FRMD6: variants seen among roughly 807,000 people sequenced by gnomAD.
FRMD6 encodes FERM domain-containing protein 6.
A neutral mutation model predicts 73.2 loss-of-function variants in FRMD6; 37 were observed. The observed-to-expected ratio is 0.51, with a 90% CI of 0.39 to 0.66. FRMD6 has a LOEUF of 0.66. FRMD6 is among the 30% of genes least tolerant of loss of function. FRMD6 has a pLI of 0.00. For missense variants in FRMD6, 714 were observed against 780.5 expected (o/e 0.91, Z 1.02); for synonymous variants, 273 against 282.2 (o/e 0.97, Z 0.33).
chr14:51,480,913 T>A, the FRMD6 span, among the ~76,000 whole-genome samples: 1 of 152,198 alleles, frequency 6.6e-6, no homozygotes, highest in Non-Finnish European at 1.5e-5. Context: ...TCACTTTACC[T>A]CAGTGAATGT....
intron 2 of FRMD6, among the ~76,000 whole-genome samples, chr14:51,601,926 A>G (rs893197544): frequency 6.6e-6 from 1 of 152,118 alleles, no homozygotes; most frequent in Admixed American, 6.5e-5. Context: ...TGCCTCCCTG[A>G]TTAGATTGTA....
At chr14:51,439,428 A>C in the FRMD6 span, among the ~76,000 whole-genome samples, 1 of 152,084 alleles carries the variant, frequency 6.6e-6, no homozygotes, top group Non-Finnish European at 1.5e-5. Context: ...AACTCTATGC[A>C]TGCAAGGCTC....
At chr14:51,452,107 A>T in the FRMD6 span, among the ~76,000 whole-genome samples, 5 of 152,378 alleles carry the variant, frequency 3.3e-5, no homozygotes, top group South Asian at 1.0e-3. Context: ...AACTGACAGT[A>T]GAGAGAATAC....
chr14:51,558,100 A>G (rs1447291480), intron 1 of FRMD6, among the ~76,000 whole-genome samples: 1 of 152,228 alleles, frequency 6.6e-6, no homozygotes, highest in Non-Finnish European at 1.5e-5. Flanking sequence ...TTCTCAATAA[A>G]TTATTGAATT....
chr14:51,658,555 C>T (rs1892998567), intron 1 of FRMD6, among the ~76,000 whole-genome samples: 1 of 152,144 alleles, frequency 6.6e-6, no homozygotes, highest in Admixed American at 6.5e-5. Context: ...TATGCTTCTC[C>T]CTCTTTTCTC....
At chr14:51,707,737 A>C (rs1896704782) in intron 6 of FRMD6, among the ~76,000 whole-genome samples, 1 of 152,168 alleles carries the variant, frequency 6.6e-6, no homozygotes, top group African/African-American at 2.4e-5. Flanking sequence ...TACCAAGTAT[A>C]AACTTGCAAG....
At chr14:51,709,411 A>G (rs532408535) in intron 7 of FRMD6, among the ~76,000 whole-genome samples, 1 of 152,292 alleles carries the variant, frequency 6.6e-6, no homozygotes, top group South Asian at 2.1e-4. Flanking sequence ...TACCATTACC[A>G]TTGATAGTAT....
chr14:51,596,880 G>A (rs556774049), intron 2 of FRMD6, among the ~76,000 whole-genome samples: 7 of 152,174 alleles, frequency 4.6e-5, no homozygotes, highest in Non-Finnish European at 4.4e-5. Context: ...ACAGCACCCC[G>A]CATGTATACG....
Position 51,729,157 on chromosome 14 carries a change from G to C in FRMD6, c.*1128G>C, listed in dbSNP as rs1898135411. The C allele has an allele frequency of 6.6e-6, 1 of 152,066 alleles. No homozygotes were observed. Among genetic ancestry groups the C allele is most frequent in the African/African-American group, 2.4e-5 (1 of 41,396 alleles). The allele number at this position is 152,066 out of a possible 1,614,324, so 9.4% of individuals were successfully genotyped here. On this transcript the variant is annotated 3_prime_UTR_variant, in exon 14 of 14. Coordinates refer to ENST00000344768, the MANE Select transcript of FRMD6 (RefSeq NM_001267046.2). ...CACTGATTGTATAACAGAATTTTGG[G>C]GGGAGCTTTTAAAAAATAATGACTG...
At chr14:51,459,548 A>G in the FRMD6 span, among the ~76,000 whole-genome samples, 1 of 152,244 alleles carries the variant, frequency 6.6e-6, no homozygotes, top group African/African-American at 2.4e-5. Context: ...ATACCTTAAA[A>G]AAGCTGACGC....
chr14:51,603,015 T>C (rs563671281), intron 2 of FRMD6, among the ~76,000 whole-genome samples: 2 of 152,160 alleles, frequency 1.3e-5, no homozygotes, highest in Non-Finnish European at 2.9e-5. Flanking sequence ...TATTAGGTGA[T>C]GGGGTTTTTA....
chr14:51,639,445 A>AAT lies in FRMD6; in HGVS notation c.-146-50244_-146-50243dup, dbSNP rs10599128. Among the ~76,000 whole-genome samples, 1,458 of 147,584 alleles carry AAT rather than the reference A, an allele frequency of 9.9e-3. 70 individuals carry two copies. Among genetic ancestry groups the AAT allele is most frequent in the Admixed American group, 0.081 (1,204 of 14,822 alleles). On this transcript the variant is annotated intron_variant, in intron 2 of 14. Transcript: ENST00000356218. The stretch of plus-strand genomic sequence containing the variant: ...GCAAGACTCCATCTCAAAAAAAAAA[A>AAT]ATAATTATTATTATTAAACTCCACT...
intron 2 of FRMD6, among the ~76,000 whole-genome samples, chr14:51,615,872 A>C (rs1279216028): frequency 1.3e-5 from 2 of 152,356 alleles, no homozygotes; most frequent in African/African-American, 4.8e-5. Context: ...ACCAGAGCAC[A>C]AAGAATTATG....
the FRMD6 span, among the ~76,000 whole-genome samples, chr14:51,449,285 C>T: frequency 2.0e-5 from 3 of 152,186 alleles, no homozygotes; most frequent in Non-Finnish European, 4.4e-5. Flanking sequence ...GGCATTTAGC[C>T]ATTCTTCAGT....
chr14:51,412,953 GTAAAGA>G, the FRMD6 span, among the ~76,000 whole-genome samples: 2 of 151,494 alleles, frequency 1.3e-5, no homozygotes, highest in East Asian at 3.9e-4. Context: ...GACTGCACCT[GTAAAGA>G]TAAACTGTTG....
At chr14:51,511,929 C>A (rs2007994) in intron 1 of FRMD6, among the ~76,000 whole-genome samples, 95,690 of 151,740 alleles carry the variant, frequency 0.63, 32,361 homozygotes, top group African/African-American at 0.87. Flanking sequence ...CAAGAAACAA[C>A]AGAGCTAGGG....
the FRMD6 span, among the ~76,000 whole-genome samples, chr14:51,421,828 G>T: frequency 1.3e-5 from 2 of 152,088 alleles, no homozygotes; most frequent in African/African-American, 4.8e-5. Flanking sequence ...ACATCAGGAA[G>T]AGTCCCACAG....
chr14:51,676,279 T>A (rs1894386652), intron 1 of FRMD6, among the ~76,000 whole-genome samples: 1 of 152,174 alleles, frequency 6.6e-6, no homozygotes, highest in Non-Finnish European at 1.5e-5. Context: ...TTTCATTTGA[T>A]TGCACTTTGT....
rs889724705 is a variant in FRMD6 at position 51,615,596 on chromosome 14, T to C, written c.-147+45186T>C. On this transcript the variant is annotated intron_variant, in intron 2 of 14. Transcript: ENST00000356218. ...CTGCCCAAGAAGCTAGGTGGAAAAT[T>C]GTTTTACATTCACTTCGACAAGCAT... Among the ~76,000 whole-genome samples, 4 of 152,286 alleles carry C rather than the reference T, an allele frequency of 2.6e-5. No homozygotes were observed. In the South Asian group the frequency reaches 8.3e-4, roughly 32 times the overall value.
Sources: allele counts gnomAD v4.1 joint callset (sites outside exome capture counted in the v4.1 genomes callset), GRCh38; gene constraint gnomAD v4.1.1; transcripts MANE v1.5; gene names NCBI Gene and HGNC (gene_info 2026-07-23, HGNC 2026-07-21).